The following CILP variants were observed in gnomAD, a reference collection of about 807,000 sequenced individuals.
CILP encodes cartilage intermediate layer protein 1.
Under a neutral mutation model 82.5 loss-of-function variants are expected in CILP, and 75 were observed. The observed-to-expected ratio is 0.91, with a 90% CI of 0.75 to 1.10. The LOEUF is 1.10. Among genes scored for constraint, CILP ranks in the 50% least tolerant of loss-of-function variants. The pLI is 0.00. For synonymous variants in CILP, 530 were observed against 580.3 expected (o/e 0.91, Z 1.25); for missense variants, 1,479 against 1,530.8 (o/e 0.97, Z 0.56).
rs1407277452 is a variant in CILP, at chr15:65,206,884, C to A, written c.322G>T (p.Val108Leu). 6.2e-7 allele frequency: 1 copy of A among 1,614,012 alleles called. No individual in the cohort carries two copies. Among genetic ancestry groups the A allele is most frequent in the South Asian group, 1.1e-5 (1 of 91,084 alleles). ...DWTPAGSTGQ[V>L]VHGSPREGFW... is the part of the protein sequence containing the mutation. ...CCCTCACGGGGACTACCATGGACCA[C>A]CTGGCCAGTGCTGCCCGCAGGTGTC... Residue 108 changes from valine (V) to leucine (L), a missense_variant, in exon 4 of 9, where the codon GTG (valine) becomes TTG (leucine). Coordinates refer to ENST00000261883, the MANE Select transcript of CILP (RefSeq NM_003613.4).
Position 65,195,440 on chromosome 15 carries a change from C to T in CILP, c.*1291G>A, listed in dbSNP as rs1191952206. On this transcript the variant is annotated 3_prime_UTR_variant, in exon 9 of 9. Transcript: ENST00000261883. ...GCCGCTGAGATCGCTCTGGCACCAC[C>T]TATGGGCCTCTGATTTACTATTTTA... 6.6e-6 allele frequency: 1 copy of T among 152,250 alleles called. No homozygotes were observed. The highest frequency in any genetic ancestry group is 1.9e-4 in the East Asian group (1 of 5,192). The allele number at this position is 152,250 out of a possible 1,614,324, so 9.4% of individuals were successfully genotyped here.
Position 65,198,239 on chromosome 15 carries a change from C to A in CILP, c.2047G>T (p.Asp683Tyr). The A allele has an allele frequency of 6.2e-7, 1 of 1,614,226 alleles. No homozygotes were observed. The highest frequency in any genetic ancestry group is 1.1e-5 in the South Asian group (1 of 91,074). The change falls in exon 9 of 9, where the codon GAC (aspartate) becomes TAC (tyrosine). Residue 683 changes from aspartate to tyrosine, a missense_variant. Transcript: ENST00000261883. ...TCTGGCATCTTGACCTGGGTCGAGT[C>A]AAGGTGGACCTTCACTTTGCCAGCA... is the stretch of plus-strand genomic sequence containing the variant. ...LNAGKVKVHLDSTQVKMPEHI... is the reference protein window; with the variant it reads ...LNAGKVKVHLYSTQVKMPEHI...
rs763648623 is a variant in CILP at position 65,197,013 on chromosome 15, C to T, written c.3273G>A (p.Ala1091=). 9.3e-6 allele frequency: 15 copies of T among 1,614,044 alleles called. No homozygotes were observed. The Admixed American group carries it at 1.2e-4, about 13-fold the overall frequency. The change falls in exon 9 of 9, where the codon GCG becomes GCA. Residue 1091 remains alanine, a synonymous_variant. Transcript: ENST00000261883. ...ATGTGCCATCAAAGCACCGGCCGAG[C>T]GCGATCTCCTTGGCCGTGCGAGGGT... ...DQDPRTAKEI[A]LGRCFDGTSD...
intron 7 of CILP, 130 bp from the exon 8 acceptor site, chr15:65,202,159 A>G: frequency 2.7e-6 from 2 of 746,118 alleles, no homozygotes; most frequent in Non-Finnish European, 4.1e-6. Context: ...ATCACCTTTG[A>G]CTTGGCTCAT....
At position 65,199,077 on chromosome 15, in the gene CILP, G is replaced by C; in HGVS notation, c.1209C>G (p.Asn403Lys). ...IVIASDETPC[N>K]PVPESYLIRL... ...GGATAAGATAGCTCTCAGGAACTGG[G>C]TTGCAAGGAGTCTCATCAGATGCTG... The change falls in exon 9 of 9, where the codon AAC (asparagine) becomes AAG (lysine). Residue 403 changes from asparagine (N) to lysine (K), a missense_variant. Coordinates refer to ENST00000261883, the MANE Select transcript of CILP (RefSeq NM_003613.4). The C allele has an allele frequency of 6.3e-7, 1 of 1,594,802 alleles. No homozygotes were observed. Among genetic ancestry groups the C allele is most frequent in the Non-Finnish European group, 8.5e-7 (1 of 1,177,354 alleles).
Position 65,197,755 on chromosome 15 carries a change from G to A in CILP, c.2531C>T (p.Pro844Leu). 1.9e-6 allele frequency: 3 copies of A among 1,612,534 alleles called. No individual in the cohort carries two copies. Among genetic ancestry groups the A allele is most frequent in the Non-Finnish European group, 2.5e-6 (3 of 1,180,020 alleles). The change falls in exon 9 of 9, where the codon CCA becomes CTA. Residue 844 changes from proline (P) to leucine (L), a missense_variant. By Grantham distance (98) the Pro-to-Leu change is moderately conservative. Coordinates refer to ENST00000261883, the MANE Select transcript of CILP (RefSeq NM_003613.4). Reference protein sequence around the residue: ...QAVESSPKFNPNAIGVPQPYL... With the variant: ...QAVESSPKFNLNAIGVPQPYL... ...GGGCTGAGGGACGCCAATTGCATTT[G>A]GGTTGAATTTAGGAGAAGACTCCAC...
At chr15:65,203,929 AC>A (rs2088488208) in intron 6 of CILP, among the ~76,000 whole-genome samples, 1 of 152,246 alleles carries the variant, frequency 6.6e-6, no homozygotes, top group East Asian at 1.9e-4. Context: ...AAGACCTCAT[AC>A]ATTTGAGGGA....
Position 65,197,369 on chromosome 15 carries a change from T to G in CILP, c.2917A>C (p.Met973Leu). 6.2e-7 allele frequency: 1 copy of G among 1,614,240 alleles called. No individual in the cohort carries two copies. The highest frequency in any genetic ancestry group is 8.5e-7 in the Non-Finnish European group (1 of 1,180,046). ...ACTGTCTGCCGATGAGTGCCCCCCA[T>G]GTTGCGGGATCGCACATTCACTTCC... Reference protein sequence around the residue: ...PLEVNVRSRNMGGTHRQTVGK... With the variant: ...PLEVNVRSRNLGGTHRQTVGK... Residue 973 changes from methionine to leucine, a missense_variant, in exon 9 of 9, where the codon ATG (methionine) becomes CTG (leucine). Physicochemically the swap from Met to Leu is conservative, Grantham distance 15 (BLOSUM62 2). Coordinates refer to ENST00000261883, the MANE Select transcript of CILP (RefSeq NM_003613.4).
In CILP at chr15:65,198,263, C is replaced by G. The variant is rs765597566; in HGVS notation, c.2023G>C (p.Ala675Pro). The G allele has an allele frequency of 3.1e-6, 5 of 1,614,132 alleles. No individual in the cohort carries two copies. The highest frequency in any genetic ancestry group is 4.2e-6 in the Non-Finnish European group (5 of 1,180,054). ...TCAAGGTGGACCTTCACTTTGCCAG[C>G]ATTAAGTGGCTCTGAGGTGACCTCA... is the stretch of plus-strand genomic sequence containing the variant. Reference protein sequence around the residue: ...RDEVTSEPLNAGKVKVHLDST... With the variant: ...RDEVTSEPLNPGKVKVHLDST... The change falls in exon 9 of 9, where the codon GCT (alanine) becomes CCT (proline). Residue 675 changes from alanine to proline, a missense_variant. Physicochemically the swap from Ala to Pro is conservative, Grantham distance 27. Transcript: ENST00000261883.
chr15:65,205,787 G>A (rs8039796), intron 4 of CILP, among the ~76,000 whole-genome samples: 93,091 of 152,020 alleles, frequency 0.61, 29,227 homozygotes, highest in African/African-American at 0.66. Context: ...GTGTGGAAAC[G>A]GCCACATGCT....
At position 65,197,176 on chromosome 15, in the gene CILP, C is replaced by G. The variant is rs779015022; in HGVS notation, c.3110G>C (p.Ser1037Thr). ...VIPQGSCRRA[S>T]VNPMLHEYLV... is the part of the protein sequence containing the mutation. Reference sequence around the variant, plus strand: ...GTACTCATGCAGCATGGGGTTCACACTGGCTCGACGGCAGCTGCCCTGGGG... The same window carrying G: ...GTACTCATGCAGCATGGGGTTCACAGTGGCTCGACGGCAGCTGCCCTGGGG... Residue 1037 changes from serine (S) to threonine (T), a missense_variant, in exon 9 of 9, where the codon AGT (serine) becomes ACT (threonine). Physicochemically the swap from Ser to Thr is moderately conservative, Grantham distance 58 (BLOSUM62 1). Coordinates refer to ENST00000261883, the MANE Select transcript of CILP (RefSeq NM_003613.4). 6.2e-7 allele frequency: 1 copy of G among 1,614,064 alleles called. No individual in the cohort carries two copies. Among genetic ancestry groups the G allele is most frequent in the South Asian group, 1.1e-5 (1 of 91,076 alleles).
Position 65,196,235 on chromosome 15 carries a change from ATAAG to A in CILP, c.*492_*495del, listed in dbSNP as rs1216955237. 3 of 152,696 alleles carry A rather than the reference ATAAG, an allele frequency of 2.0e-5. No individual in the cohort carries two copies. The highest frequency in any genetic ancestry group is 4.4e-5 in the Non-Finnish European group (3 of 68,392). 9.5% of individuals were successfully genotyped at this position (152,696 alleles called of 1,614,324 possible). A position where few individuals can be genotyped will look rare whatever the true frequency, so the allele number is the denominator to read the frequency against. On this transcript the variant is annotated 3_prime_UTR_variant, in exon 9 of 9. Transcript: ENST00000261883. ...AATTCCAAATTTAGCAAAGAAATAA[ATAAG>A]TTATTTACATTTCAAGTAAAAGTAT...
Position 65,204,290 on chromosome 15 carries a change from G to A in CILP, c.897C>T (p.Ile299=), listed in dbSNP as rs753251444. Reference sequence around the variant, plus strand: ...TACCTGCCCTCACAAACTCTGCCTTGATGGTGGCTGCCTTCAGGCTAGTCT... The same window carrying A: ...TACCTGCCCTCACAAACTCTGCCTTAATGGTGGCTGCCTTCAGGCTAGTCT... ...MPKTSLKAAT[I]KAEFVRAETP... The change falls in exon 6 of 9, where the codon ATC becomes ATT. Residue 299 remains isoleucine, a synonymous_variant. Transcript: ENST00000261883. The A allele has an allele frequency of 6.2e-7, 1 of 1,613,990 alleles. No individual in the cohort carries two copies. Among genetic ancestry groups the A allele is most frequent in the Admixed American group, 1.7e-5 (1 of 59,982 alleles).
chr15:65,201,529 G>C (rs1156322420), intron 8 of CILP, among the ~76,000 whole-genome samples: 1 of 151,872 alleles, frequency 6.6e-6, no homozygotes, highest in Non-Finnish European at 1.5e-5. Flanking sequence ...AGGAGTTCAA[G>C]ACCAGCCTGG....
rs1263997009 is a variant in CILP at position 65,198,624 on chromosome 15, C to T, written c.1662G>A (p.Val554=). 3.1e-6 allele frequency: 5 copies of T among 1,614,100 alleles called. No individual in the cohort carries two copies. The African/African-American group carries it at 6.7e-5, about 22-fold the overall frequency. ...CACTCCCCTTCTTGTTGAAAGGTAG[C>T]ACTTTGGTGGTGTTGACAAACTTCT... is the stretch of plus-strand genomic sequence containing the variant. ...RLQKFVNTTK[V]LPFNKKGSAV... is the part of the protein sequence containing the mutation. The change falls in exon 9 of 9, where the codon GTG becomes GTA. Residue 554 remains valine (V), a synonymous_variant. Transcript: ENST00000261883.
chr15:65,203,513 T>C, intron 6 of CILP, 43 bp from the exon 7 acceptor site: 1 of 1,448,912 alleles, frequency 6.9e-7, no homozygotes, highest in Non-Finnish European at 9.7e-7. Flanking sequence ...TTTTTGTGTG[T>C]GTGTGTGACA....
At chr15:65,206,457 G>A (rs921659499) in intron 4 of CILP, among the ~76,000 whole-genome samples, 1 of 152,038 alleles carries the variant, frequency 6.6e-6, no homozygotes. Context: ...ATCATATTGC[G>A]GGCTCAGAAT....
intron 8 of CILP, among the ~76,000 whole-genome samples, chr15:65,201,157 A>G (rs1432546869): frequency 6.6e-6 from 1 of 152,034 alleles, no homozygotes; most frequent in Non-Finnish European, 1.5e-5. Context: ...GCACGCCACC[A>G]TGCCTGGCTA....
chr15:65,209,839 G>A lies in CILP; in HGVS notation c.-84C>T, dbSNP rs1595962229. On this transcript the variant is annotated 5_prime_UTR_variant, in exon 2 of 9. Transcript: ENST00000261883. ...ACTGACTCTGGAATGCGGTCCCCTGGGAAGTTTCTCAGATCCAGTGACCTG... is the reference window on the plus strand; with the variant it reads ...ACTGACTCTGGAATGCGGTCCCCTGAGAAGTTTCTCAGATCCAGTGACCTG... The A allele has an allele frequency of 1.6e-6, 2 of 1,255,918 alleles. No homozygotes were observed. Among genetic ancestry groups the A allele is most frequent in the African/African-American group, 1.5e-5 (1 of 67,712 alleles). 77.8% of individuals were successfully genotyped at this position (1,255,918 alleles called of 1,614,324 possible).
Sources: allele counts gnomAD v4.1 joint callset (sites outside exome capture counted in the v4.1 genomes callset), GRCh38; gene constraint gnomAD v4.1.1; transcripts MANE v1.5; gene names NCBI Gene and HGNC (gene_info 2026-07-23, HGNC 2026-07-21).